TXNDC16: variants seen among roughly 807,000 people sequenced by gnomAD.
The protein encoded by TXNDC16 is thioredoxin domain containing 16.
Under a neutral mutation model 85.6 loss-of-function variants are expected in TXNDC16, and 74 were observed. The ratio of observed to expected loss-of-function variants is 0.86; its 90% confidence interval spans 0.72 to 1.05. TXNDC16 has a LOEUF of 1.05. Among genes scored for constraint, TXNDC16 ranks in the 50% least tolerant of loss-of-function variants. The pLI is 0.00. For missense variants in TXNDC16, 959 were observed against 947.0 expected (o/e 1.01, Z -0.17); for synonymous variants, 335 against 326.5 (o/e 1.03, Z -0.28).
intron 16 of TXNDC16, among the ~76,000 whole-genome samples, chr14:52,468,487 T>C (rs1395496792): frequency 1.3e-5 from 2 of 152,080 alleles, no homozygotes; most frequent in African/African-American, 4.8e-5. Flanking sequence ...AATAACAGAC[T>C]GAGGGAAAAT....
chr14:52,551,670 A>AT (rs1488047640), intron 1 of TXNDC16, among the ~76,000 whole-genome samples: 1 of 152,086 alleles, frequency 6.6e-6, no homozygotes, highest in East Asian at 1.9e-4. Context: ...GAAAAAAAAA[A>AT]GTCAACAACT....
At chr14:52,467,769 G>A (rs2035811303) in intron 16 of TXNDC16, among the ~76,000 whole-genome samples, 1 of 152,164 alleles carries the variant, frequency 6.6e-6, no homozygotes, top group African/African-American at 2.4e-5. Context: ...ATAATTGAAA[G>A]CAGAGTACCA....
intron 4 of TXNDC16, among the ~76,000 whole-genome samples, chr14:52,539,534 G>A (rs1166530747): frequency 6.6e-6 from 1 of 152,214 alleles, no homozygotes; most frequent in Non-Finnish European, 1.5e-5. Flanking sequence ...TCGCAGCATG[G>A]TAGTGATGTA....
intron 6 of TXNDC16, among the ~76,000 whole-genome samples, chr14:52,530,261 AAT>A (rs1232091947): frequency 1.8e-5 from 1 of 54,306 alleles, no homozygotes; most frequent in Non-Finnish European, 2.9e-5. Flanking sequence ...TATATTATAT[AAT>A]ATATATTATT....
At chr14:52,523,351 A>T (rs993832573) in intron 6 of TXNDC16, among the ~76,000 whole-genome samples, 2 of 152,194 alleles carry the variant, frequency 1.3e-5, no homozygotes, top group African/African-American at 4.8e-5. Flanking sequence ...CAGAAAGAAA[A>T]ACAACAAAGG....
At chr14:52,503,211 A>G (rs1402035156) in intron 9 of TXNDC16, among the ~76,000 whole-genome samples, 1 of 152,206 alleles carries the variant, frequency 6.6e-6, no homozygotes, top group Non-Finnish European at 1.5e-5. Context: ...TCCCTGTCTG[A>G]CAGGTTTGAA....
intron 9 of TXNDC16, among the ~76,000 whole-genome samples, chr14:52,507,262 C>T (rs998858168): frequency 6.6e-6 from 1 of 152,146 alleles, no homozygotes; most frequent in Non-Finnish European, 1.5e-5. Context: ...TATTCTTATA[C>T]ACCAAGGACA....
At position 52,529,717 on chromosome 14, in the gene TXNDC16, T is replaced by G. The variant is rs866418052; in HGVS notation, c.392+7002A>C. The stretch of plus-strand genomic sequence containing the variant: ...TTATATATAATATATATAATGCCTA[T>G]TATATATATTATATATAATGCCTAT... On this transcript the variant is annotated intron_variant, in intron 6 of 20. Transcript: ENST00000281741. 2.1e-3 allele frequency among the ~76,000 whole-genome samples: 241 copies of G among 116,846 alleles called. 1 individual carries two copies. Among genetic ancestry groups the G allele is most frequent in the Non-Finnish European group, 3.1e-3 (192 of 61,404 alleles). 76.7% of individuals were successfully genotyped at this position (116,846 alleles called of 152,430 possible).
At chr14:52,496,675 A>G (rs2036541672) in intron 9 of TXNDC16, among the ~76,000 whole-genome samples, 1 of 150,406 alleles carries the variant, frequency 6.6e-6, no homozygotes, top group African/African-American at 2.5e-5. Flanking sequence ...GCATGATTAC[A>G]GCTCACTACA....
chr14:52,525,945 C>T (rs1444564867), intron 6 of TXNDC16, among the ~76,000 whole-genome samples: 5 of 151,920 alleles, frequency 3.3e-5, no homozygotes, highest in African/African-American at 9.6e-5. Context: ...ACTTATCATA[C>T]CTAATACAAT....
Position 52,514,776 on chromosome 14 carries a change from T to C in TXNDC16, c.605+104A>G, listed in dbSNP as rs150851559. 560 of 795,784 alleles carry C rather than the reference T, an allele frequency of 7.0e-4. 5 individuals carry two copies. The East Asian group carries it at 8.2e-3, about 12-fold the overall frequency. 49.3% of individuals were successfully genotyped at this position (795,784 alleles called of 1,614,324 possible). A position where few individuals can be genotyped will look rare whatever the true frequency, so the allele number is the denominator to read the frequency against. ...TCACATCTGCTATGGTTCCTTTATC[T>C]AAGCCCATGCTGTGGGAGCATAATG... On this transcript the variant is annotated intron_variant, in intron 8 of 20. Transcript: ENST00000281741.
chr14:52,529,417 A>G (rs2037421988), intron 6 of TXNDC16, among the ~76,000 whole-genome samples: 1 of 150,846 alleles, frequency 6.6e-6, no homozygotes, highest in Admixed American at 6.7e-5. Context: ...ACACAGGTAT[A>G]CATATGTAAC....
At chr14:52,508,437 A>G (rs551140731) in intron 9 of TXNDC16, among the ~76,000 whole-genome samples, 3 of 152,272 alleles carry the variant, frequency 2.0e-5, no homozygotes, top group East Asian at 1.9e-4. Flanking sequence ...AGGGGATGTG[A>G]AGAAATAGGA....
chr14:52,549,927 A>G (rs1490910623), intron 1 of TXNDC16, among the ~76,000 whole-genome samples: 2 of 152,180 alleles, frequency 1.3e-5, no homozygotes, highest in Middle Eastern at 3.4e-3. Flanking sequence ...GTGAGCCACC[A>G]TGCCCGACCC....
chr14:52,491,181 G>A (rs1396142695), intron 9 of TXNDC16, among the ~76,000 whole-genome samples, 176 bp from the exon 10 acceptor site: 2 of 151,648 alleles, frequency 1.3e-5, no homozygotes, highest in African/African-American at 4.8e-5. Context: ...CACCTATATA[G>A]TTTTGTTTGT....
chr14:52,492,333 T>C (rs2036426418), intron 9 of TXNDC16, among the ~76,000 whole-genome samples: 2 of 152,136 alleles, frequency 1.3e-5, no homozygotes, highest in African/African-American at 2.4e-5. Context: ...GATACTGACA[T>C]TGGGATTCGC....
At chr14:52,543,269 T>A (rs1404035036) in intron 3 of TXNDC16, 129 bp downstream of exon 3, 1 of 1,032,126 alleles carries the variant, frequency 9.7e-7, no homozygotes, top group Non-Finnish European at 1.4e-6. Context: ...TCAAACCCAG[T>A]CAGACATATT....
intron 16 of TXNDC16, 96 bp downstream of exon 16, chr14:52,469,932 CATAATTTTG>C (rs1436017143): frequency 1.4e-4 from 160 of 1,123,334 alleles, no homozygotes; most frequent in Middle Eastern, 9.3e-4. Flanking sequence ...CAAACTTCTC[CATAATTTTG>C]AAATTCTCTA....
At chr14:52,437,867 C>T (rs1377318342) in intron 20 of TXNDC16, among the ~76,000 whole-genome samples, 1 of 152,178 alleles carries the variant, frequency 6.6e-6, no homozygotes, top group East Asian at 1.9e-4. Flanking sequence ...AATGAGATAT[C>T]ACCTCACCCC....
Sources: allele counts gnomAD v4.1 joint callset (sites outside exome capture counted in the v4.1 genomes callset), GRCh38; gene constraint gnomAD v4.1.1; transcripts MANE v1.5; gene names NCBI Gene and HGNC (gene_info 2026-07-23, HGNC 2026-07-21).